The following ABCC9 variants were observed in gnomAD, a reference collection of about 807,000 sequenced individuals.
The protein encoded by ABCC9 is ATP-binding cassette sub-family C member 9.
In ABCC9, 95 loss-of-function variants were observed where a neutral mutation model predicts 188.3. That is an observed-to-expected ratio of 0.50 (90% CI 0.43 to 0.60). The LOEUF (loss-of-function observed/expected upper bound fraction) is 0.60, where lower values mean the gene tolerates loss of function less well. Ranked by LOEUF, ABCC9 falls within the 20% of genes least tolerant of loss-of-function variation. The pLI, the probability that ABCC9 is intolerant of heterozygous loss-of-function variation, is 0.00. For synonymous variants in ABCC9, 659 were observed against 652.7 expected, an observed-to-expected ratio of 1.01 and a Z score of -0.15; for missense variants, 1,102 against 1,876.3, an observed-to-expected ratio of 0.59 and a Z score of 7.62.
intron 22 of ABCC9, among the ~76,000 whole-genome samples, chr12:21,858,716 G>A (rs963226652): frequency 2.0e-4 from 31 of 152,114 alleles, no homozygotes; most frequent in African/African-American, 6.0e-4. Flanking sequence ...TCCAAATTCT[G>A]CTACCATCCC....
chr12:21,871,134 A>C (rs1182249838), intron 18 of ABCC9, among the ~76,000 whole-genome samples: 1 of 152,162 alleles, frequency 6.6e-6, no homozygotes, highest in Admixed American at 6.5e-5. Flanking sequence ...CAAATAACTT[A>C]ATTATGGTTG....
chr12:21,939,283 A>T (rs1275095410), intron 2 of ABCC9, among the ~76,000 whole-genome samples: 4 of 152,092 alleles, frequency 2.6e-5, no homozygotes, highest in African/African-American at 9.7e-5. Flanking sequence ...CTCCTCATTT[A>T]TCCTTTCCCT....
chr12:21,917,297 T>C lies in ABCC9; in HGVS notation c.407-194A>G, dbSNP rs4148649. On this transcript the variant is annotated intron_variant, in intron 5 of 39. Transcript: ENST00000261200. ...GTTTTGAGTTGAAGGAGTAATAACTTGAAAATGTTGAGTGCGTCCATCCTG... is the reference window on the plus strand; with the variant it reads ...GTTTTGAGTTGAAGGAGTAATAACTCGAAAATGTTGAGTGCGTCCATCCTG... Among the ~76,000 whole-genome samples the C allele has an allele frequency of 0.2, 30,073 of 152,062 alleles. 3,316 individuals are homozygous for C. Among genetic ancestry groups the C allele is most frequent in the African/African-American group, 0.27 (11,395 of 41,450 alleles).
intron 24 of ABCC9, among the ~76,000 whole-genome samples, chr12:21,849,419 A>C (rs1944850189): frequency 6.6e-6 from 1 of 152,186 alleles, no homozygotes. Context: ...TAAATTTTGC[A>C]TAACGATATG....
intron 29 of ABCC9, among the ~76,000 whole-genome samples, chr12:21,841,186 G>A (rs930709138): frequency 4.6e-5 from 7 of 151,906 alleles, no homozygotes; most frequent in Non-Finnish European, 7.4e-5. Flanking sequence ...TATATATAGC[G>A]GGGTTTCAAA....
intron 4 of ABCC9, 100 bp downstream of exon 4, chr12:21,933,682 T>G (rs1949374386): frequency 7.0e-7 from 1 of 1,429,512 alleles, no homozygotes; most frequent in Non-Finnish European, 9.8e-7. Flanking sequence ...GCAAAAAATA[T>G]AAAGCACATT....
intron 35 of ABCC9, among the ~76,000 whole-genome samples, chr12:21,812,414 G>C (rs561839676): frequency 6.6e-6 from 1 of 152,254 alleles, no homozygotes; most frequent in East Asian, 1.9e-4. Flanking sequence ...GTTTATGGCA[G>C]CACTGTTCAC....
At chr12:21,853,384 G>A (rs1302290276) in intron 22 of ABCC9, among the ~76,000 whole-genome samples, 1 of 151,978 alleles carries the variant, frequency 6.6e-6, no homozygotes, top group Non-Finnish European at 1.5e-5. Flanking sequence ...ACTTAATGGG[G>A]ATATTTTCAG....
At chr12:21,840,415 T>C (rs983609721) in intron 29 of ABCC9, among the ~76,000 whole-genome samples, 2 of 151,960 alleles carry the variant, frequency 1.3e-5, no homozygotes, top group Non-Finnish European at 2.9e-5. Context: ...AAAATAACCA[T>C]CCTCTCCATA....
At chr12:21,911,015 C>T (rs1211031180) in intron 8 of ABCC9, 37 bp from the exon 9 acceptor site, 5 of 1,606,620 alleles carry the variant, frequency 3.1e-6, no homozygotes, top group East Asian at 2.2e-5. Flanking sequence ...TATTAAAACT[C>T]GTCTTTTTAT....
chr12:21,926,074 C>A lies in ABCC9; in HGVS notation c.285-11G>T, dbSNP rs1173891201. The A allele has an allele frequency of 1.2e-6, 2 of 1,613,792 alleles. No homozygotes were observed. Among genetic ancestry groups the A allele is most frequent in the Admixed American group, 1.7e-5 (1 of 59,984 alleles). On this transcript the variant is annotated splice_polypyrimidine_tract_variant and intron_variant, in intron 4 of 39. Coordinates refer to ENST00000261200, the MANE Select transcript of ABCC9 (RefSeq NM_020297.4). ...CTTGATTCCCGCCGCCTAGAAAGAGCAGTACGTCAACGCCTAAAGCTGATG... is the reference window on the plus strand; with the variant it reads ...CTTGATTCCCGCCGCCTAGAAAGAGAAGTACGTCAACGCCTAAAGCTGATG...
Position 21,801,056 on chromosome 12 carries a change from G to C in ABCC9, c.4638C>G (p.Arg1546=). ...QENGVFASFV[R]ADM ...TTAAGACACTCCTTCACATGTCTGC[G>C]CGAACAAAAGAAGCAAATACTCCAT... The change falls in exon 40 of 40, where the codon CGC becomes CGG. Residue 1546 remains arginine (R), a synonymous_variant. Transcript: ENST00000261200. The C allele has an allele frequency of 6.2e-7, 1 of 1,613,758 alleles. No homozygotes were observed. The highest frequency in any genetic ancestry group is 8.5e-7 in the Non-Finnish European group (1 of 1,179,878).
intron 31 of ABCC9, chr12:21,828,260 T>G (rs1226083263): frequency 1.3e-5 from 2 of 153,394 alleles, no homozygotes; most frequent in Non-Finnish European, 2.9e-5. Context: ...TCCAGCTCAT[T>G]GGCTTATGAA....
intron 14 of ABCC9, among the ~76,000 whole-genome samples, chr12:21,889,249 A>C (rs766082452): frequency 9.2e-5 from 14 of 152,288 alleles, no homozygotes; most frequent in Middle Eastern, 3.4e-3. Context: ...ATTATTTAGG[A>C]AGAGCTTCAG....
intron 12 of ABCC9, among the ~76,000 whole-genome samples, chr12:21,903,225 C>T (rs1449556046): frequency 2.6e-5 from 4 of 152,158 alleles, no homozygotes; most frequent in Non-Finnish European, 5.9e-5. Flanking sequence ...TGACAAAATT[C>T]AACAGCCCTT....
intron 4 of ABCC9, among the ~76,000 whole-genome samples, chr12:21,933,010 A>C (rs549660099): frequency 1.3e-5 from 2 of 151,880 alleles, no homozygotes; most frequent in East Asian, 3.9e-4. Context: ...AGACTGGATA[A>C]AGAAAATGTG....
rs1342458654 is a variant in ABCC9 at position 21,933,914 on chromosome 12, C to T, written c.152G>A (p.Ser51Asn). 6.2e-7 allele frequency: 1 copy of T among 1,613,484 alleles called. No homozygotes were observed. Among genetic ancestry groups the T allele is most frequent in the Non-Finnish European group, 8.5e-7 (1 of 1,179,572 alleles). ...TFPILFIGWGSQSSKVQIHHN... is the reference protein window; with the variant it reads ...TFPILFIGWGNQSSKVQIHHN... ...GTGAATTTGTACTTTTGAGCTTTGG[C>T]TCCCCCACCCTGGAAAAGAGAGAAA... Residue 51 changes from serine (S) to asparagine (N), a missense_variant, in exon 4 of 40, where the codon AGC becomes AAC. Ser to Asn is a conservative substitution (Grantham distance 46). Transcript: ENST00000261200.
chr12:21,906,332 G>T lies in ABCC9; in HGVS notation c.1456-44C>A, dbSNP rs780201139. 2.1e-5 allele frequency: 32 copies of T among 1,558,018 alleles called. No homozygotes were observed. In the African/African-American group the frequency reaches 4.1e-4, roughly 20 times the overall value. Reference sequence around the variant, plus strand: ...AAAATAATACCAGCTGCATCCAAGTGAATCAGAAAGGCAGAACCATGTAAT... The same window carrying T: ...AAAATAATACCAGCTGCATCCAAGTTAATCAGAAAGGCAGAACCATGTAAT... On this transcript the variant is annotated intron_variant, in intron 11 of 39. Coordinates refer to ENST00000261200, the MANE Select transcript of ABCC9 (RefSeq NM_020297.4).
intron 31 of ABCC9, among the ~76,000 whole-genome samples, chr12:21,822,826 C>T (rs963796380): frequency 1.3e-5 from 2 of 151,552 alleles, no homozygotes; most frequent in Admixed American, 6.6e-5. Flanking sequence ...GTTAGGTCTC[C>T]GATGTTCACT....
Sources: gnomAD v4.1 joint callset for allele counts (sites outside exome capture counted in the v4.1 genomes callset) on GRCh38, gnomAD v4.1.1 for gene constraint, MANE v1.5 for transcripts, NCBI Gene and HGNC (gene_info 2026-07-23, HGNC 2026-07-21) for gene names.